The following HAO2 variants were observed in gnomAD, a reference collection of about 807,000 sequenced individuals.
HAO2 encodes 2-Hydroxyacid oxidase 2.
HAO2 carries 42 observed loss-of-function variants against 37.4 expected under a neutral mutation model. That is an observed-to-expected ratio of 1.12 (90% CI 0.88 to 1.45). The LOEUF (loss-of-function observed/expected upper bound fraction) is 1.45, where lower values mean the gene tolerates loss of function less well. Ranked by LOEUF, HAO2 falls within the 40% of genes most tolerant of loss-of-function variation. The pLI is 0.00. For synonymous variants in HAO2, 180 were observed against 162.8 expected (o/e 1.11, Z -0.81); for missense variants, 476 against 430.2 (o/e 1.11, Z -0.94).
intron 1 of HAO2, among the ~76,000 whole-genome samples, chr1:119,377,131 C>A (rs1040664338): frequency 2.6e-5 from 4 of 152,112 alleles, no homozygotes; most frequent in Non-Finnish European, 4.4e-5. Context: ...AATTTTAAAC[C>A]ATATATTTTT....
rs1374489485 is a variant in HAO2 at position 119,386,701 on chromosome 1, T to C, written c.641T>C (p.Ile214Thr). Residue 214 changes from isoleucine to threonine, a missense_variant, in exon 5 of 8, where the codon ATA becomes ACA. Physicochemically the swap from Ile to Thr is moderately conservative, Grantham distance 89. Coordinates refer to ENST00000325945, the MANE Select transcript of HAO2 (RefSeq NM_016527.4). ...AATGATCTCTCCTGGTTTCAGAGCATAACTCGATTGCCCATCATCCTGAAA... is the reference window on the plus strand; with the variant it reads ...AATGATCTCTCCTGGTTTCAGAGCACAACTCGATTGCCCATCATCCTGAAA... ...CWNDLSWFQS[I>T]TRLPIILKGI... The C allele has an allele frequency of 3.7e-6, 6 of 1,613,178 alleles. No individual in the cohort carries two copies. Among genetic ancestry groups the C allele is most frequent in the Middle Eastern group, 1.6e-4 (1 of 6,084 alleles).
Position 119,384,959 on chromosome 1 carries a change from C to A in HAO2, c.467C>A (p.Thr156Asn), listed in dbSNP as rs770277815. ...CTAGGTTTCAAAGCTTTGGTAATAA[C>A]TTTGGATACACCTGTATGTGGCAAC... The part of the protein sequence containing the change: ...ESLGFKALVI[T>N]LDTPVCGNRR... The change falls in exon 4 of 8, where the codon ACT becomes AAT. Residue 156 changes from threonine (T) to asparagine (N), a missense_variant. Thr to Asn is a moderately conservative substitution (Grantham distance 65, BLOSUM62 0). Coordinates refer to ENST00000325945, the MANE Select transcript of HAO2 (RefSeq NM_016527.4). The A allele has an allele frequency of 6.2e-7, 1 of 1,613,866 alleles. No individual in the cohort carries two copies. Among genetic ancestry groups the A allele is most frequent in the Admixed American group, 1.7e-5 (1 of 60,004 alleles).
At chr1:119,382,834 T>C in intron 2 of HAO2, 81 bp from the exon 3 acceptor site, 1 of 1,328,296 alleles carries the variant, frequency 7.5e-7, no homozygotes, top group Non-Finnish European at 1.1e-6. Flanking sequence ...GTATCAGGAA[T>C]CAGGGGGGTC....
At chr1:119,389,129 T>C (rs1429002823) in intron 5 of HAO2, among the ~76,000 whole-genome samples, 3 of 94,962 alleles carry the variant, frequency 3.2e-5, no homozygotes, top group Non-Finnish European at 6.5e-5. Flanking sequence ...GGCTGAGTAG[T>C]ATTTCATCAT....
At chr1:119,376,285 T>C (rs1649461985) in intron 1 of HAO2, among the ~76,000 whole-genome samples, 1 of 152,148 alleles carries the variant, frequency 6.6e-6, no homozygotes, top group Admixed American at 6.5e-5. Flanking sequence ...AGCAGTCAAA[T>C]CTTAAAGCTC....
At position 119,381,200 on chromosome 1, in the gene HAO2, A is replaced by G. The variant is rs1427584457; in HGVS notation, c.115A>G (p.Ile39Val). 3 of 1,611,586 alleles carry G rather than the reference A, an allele frequency of 1.9e-6. No individual in the cohort carries two copies. Among genetic ancestry groups the G allele is most frequent in the African/African-American group, 1.3e-5 (1 of 74,878 alleles). ...ADDSITRDDN[I>V]AAFKRIRLRP... The stretch of plus-strand genomic sequence containing the variant: ...TGACAGCATCACGCGGGATGACAAC[A>G]TTGCAGCATTTAAAAGGTGTGGTCT... The change falls in exon 2 of 8, where the codon ATT becomes GTT. Residue 39 changes from isoleucine (I) to valine (V), a missense_variant. Physicochemically the swap from Ile to Val is conservative, Grantham distance 29. Coordinates refer to ENST00000325945, the MANE Select transcript of HAO2 (RefSeq NM_016527.4).
At position 119,384,787 on chromosome 1, in the gene HAO2, G is replaced by C; in HGVS notation, c.295G>C (p.Ala99Pro). Residue 99 changes from alanine (A) to proline (P), a missense_variant, in exon 4 of 8, where the codon GCT becomes CCT. By Grantham distance (27) the Ala-to-Pro change is conservative (BLOSUM62 -1). Coordinates refer to ENST00000325945, the MANE Select transcript of HAO2 (RefSeq NM_016527.4). ...EMSTARAAQAAGICYITSTFA... is the reference protein window; with the variant it reads ...EMSTARAAQAPGICYITSTFA... Reference sequence around the variant, plus strand: ...CCTTTGCTTTACAGCTGCCCAAGCGGCTGGTATCTGCTACATCACCAGCAC... The same window carrying C: ...CCTTTGCTTTACAGCTGCCCAAGCGCCTGGTATCTGCTACATCACCAGCAC... 1 of 1,613,866 alleles carries C rather than the reference G, an allele frequency of 6.2e-7. No homozygotes were observed. Among genetic ancestry groups the C allele is most frequent in the Non-Finnish European group, 8.5e-7 (1 of 1,179,886 alleles).
At chr1:119,370,238 T>C (rs1648871671) in intron 1 of HAO2, 1 of 152,248 alleles carries the variant, frequency 6.6e-6, no homozygotes, top group Non-Finnish European at 1.5e-5. Flanking sequence ...CATGCCTGTA[T>C]TTAAGCAACA....
intron 1 of HAO2, 25 bp from the exon 2 acceptor site, chr1:119,381,053 T>C (rs762907758): frequency 6.2e-7 from 1 of 1,608,208 alleles, no homozygotes; most frequent in Non-Finnish European, 8.5e-7. Flanking sequence ...CTGGGTTTGG[T>C]TTGGTTTTGT....
intron 4 of HAO2, among the ~76,000 whole-genome samples, chr1:119,386,368 G>A (rs1192547777): frequency 6.6e-6 from 1 of 151,852 alleles, no homozygotes; most frequent in Admixed American, 6.6e-5. Context: ...CATGCACCAC[G>A]ATTTATTTTT....
At chr1:119,370,153 T>C (rs1648864920) in intron 1 of HAO2, 1 of 152,146 alleles carries the variant, frequency 6.6e-6, no homozygotes, top group African/African-American at 2.4e-5. Flanking sequence ...ATACCAGCTC[T>C]TCAATCCTTG....
At chr1:119,380,161 C>T (rs1649800832) in intron 1 of HAO2, among the ~76,000 whole-genome samples, 1 of 152,178 alleles carries the variant, frequency 6.6e-6, no homozygotes, top group African/African-American at 2.4e-5. Context: ...GCTCTACATG[C>T]TGTAACTGAA....
chr1:119,371,235 G>A (rs768566575), intron 1 of HAO2, among the ~76,000 whole-genome samples: 48 of 152,124 alleles, frequency 3.2e-4, no homozygotes, highest in Non-Finnish European at 5.6e-4. Context: ...CATTTCTGTT[G>A]CATTAGCTTG....
At chr1:119,373,891 A>G (rs749191778) in intron 1 of HAO2, among the ~76,000 whole-genome samples, 21 of 152,144 alleles carry the variant, frequency 1.4e-4, no homozygotes, top group Non-Finnish European at 2.8e-4. Flanking sequence ...ACAAACAAAA[A>G]AAGGGCCATT....
chr1:119,375,257 C>CA (rs927156626), intron 1 of HAO2, among the ~76,000 whole-genome samples: 7 of 152,208 alleles, frequency 4.6e-5, no homozygotes, highest in Admixed American at 3.3e-4. Flanking sequence ...CTGGTGGCTT[C>CA]AAGGCTGGTA....
rs767522577 is a variant in HAO2, at chr1:119,381,063, T to C, written c.-8-15T>C. On this transcript the variant is annotated splice_polypyrimidine_tract_variant and intron_variant, in intron 1 of 7. Transcript: ENST00000325945. ...TCTCACTGGGTTTGGTTTGGTTTTG[T>C]TTTCTCCTTGGAAGGTCCAGAAATG... The C allele has an allele frequency of 1.2e-6, 2 of 1,612,190 alleles. No individual in the cohort carries two copies. The highest frequency in any genetic ancestry group is 1.1e-5 in the South Asian group (1 of 90,964).
At chr1:119,372,285 A>C (rs868723720) in intron 1 of HAO2, among the ~76,000 whole-genome samples, 2 of 152,218 alleles carry the variant, frequency 1.3e-5, no homozygotes, top group South Asian at 4.1e-4. Context: ...AGTAGGCTTA[A>C]TTAGAGGAAG....
chr1:119,386,766 C>A lies in HAO2; in HGVS notation c.706C>A (p.His236Asn). 6.2e-7 allele frequency: 1 copy of A among 1,613,582 alleles called. No individual in the cohort carries two copies. Among genetic ancestry groups the A allele is most frequent in the Non-Finnish European group, 8.5e-7 (1 of 1,179,542 alleles). The change falls in exon 5 of 8, where the codon CAC (histidine) becomes AAC (asparagine). Residue 236 changes from histidine to asparagine, a missense_variant. Physicochemically the swap from His to Asn is moderately conservative, Grantham distance 68. Coordinates refer to ENST00000325945, the MANE Select transcript of HAO2 (RefSeq NM_016527.4). ...TKEDAELAVK[H>N]NVQGIIVSNH... Reference sequence around the variant, plus strand: ...AGAGGATGCAGAGTTAGCTGTGAAGCACAATGTCCAGGGTATCATTGTTTC... The same window carrying A: ...AGAGGATGCAGAGTTAGCTGTGAAGAACAATGTCCAGGGTATCATTGTTTC...
Position 119,386,801 on chromosome 1 carries a change from T to A in HAO2, c.741T>A (p.Gly247=). 1.2e-6 allele frequency: 2 copies of A among 1,613,118 alleles called. No individual in the cohort carries two copies. The highest frequency in any genetic ancestry group is 2.2e-5 in the South Asian group (2 of 91,058). ...NVQGIIVSNH[G]GRQLDEVLAS... is the part of the protein sequence containing the mutation. ...AGGGTATCATTGTTTCCAACCATGG[T>A]GGGAGGCAGCTTGATGAGGTTCTTG... The change falls in exon 5 of 8, where the codon GGT becomes GGA. Residue 247 remains glycine (G), a synonymous_variant. Transcript: ENST00000325945.
Sources: gnomAD v4.1 joint callset for allele counts (sites outside exome capture counted in the v4.1 genomes callset) on GRCh38, gnomAD v4.1.1 for gene constraint, MANE v1.5 for transcripts, NCBI Gene and HGNC (gene_info 2026-07-23, HGNC 2026-07-21) for gene names.